The following TRAK1 variants were observed in gnomAD, a reference collection of about 807,000 sequenced individuals.
TRAK1 encodes the protein trafficking kinesin protein 1, also known as trafficking kinesin-binding protein 1.
TRAK1 carries 33 observed loss-of-function variants against 92.1 expected under a neutral mutation model. That is an observed-to-expected ratio of 0.36 (90% CI 0.27 to 0.48). The LOEUF (loss-of-function observed/expected upper bound fraction) is 0.48, where lower values mean the gene tolerates loss of function less well. Among genes scored for constraint, TRAK1 ranks in the 20% least tolerant of loss-of-function variants. TRAK1 has a pLI of 0.99. For missense variants in TRAK1, 1,123 were observed against 1,257.9 expected, an observed-to-expected ratio of 0.89 and a Z score of 1.62; for synonymous variants, 521 against 517.3, an observed-to-expected ratio of 1.01 and a Z score of -0.10.
rs147083041 is a variant in TRAK1 at position 42,109,266 on chromosome 3, A to G, written c.92-16154A>G. ...TACCATTATTACTGATGTGTTTGTT[A>G]TCATTATAAGAAAGTGCAACTGGAT... is the stretch of plus-strand genomic sequence containing the variant. On this transcript the variant is annotated intron_variant, in intron 1 of 15. Coordinates refer to ENST00000327628, the MANE Select transcript of TRAK1 (RefSeq NM_001042646.3). 7.8e-4 allele frequency among the ~76,000 whole-genome samples: 119 copies of G among 152,316 alleles called. 1 individual carries two copies. The Middle Eastern group carries it at 0.024, about 30-fold the overall frequency.
chr3:42,180,268 GTATA>G (rs1305693868), intron 3 of TRAK1, among the ~76,000 whole-genome samples: 2 of 151,922 alleles, frequency 1.3e-5, no homozygotes, highest in African/African-American at 4.8e-5. Context: ...TACATAGTAG[GTATA>G]TATATTTATG....
At chr3:42,171,180 G>A (rs1279583560) in intron 2 of TRAK1, among the ~76,000 whole-genome samples, 1 of 151,992 alleles carries the variant, frequency 6.6e-6, no homozygotes, top group Non-Finnish European at 1.5e-5. Context: ...GAGGGTTTGG[G>A]AGGTTTTTCT....
intron 2 of TRAK1, chr3:42,160,098 C>A: frequency 1.1e-6 from 1 of 925,218 alleles, no homozygotes; most frequent in Non-Finnish European, 1.4e-6. Flanking sequence ...CATTCCCACC[C>A]CGCCAAGTGC....
intron 2 of TRAK1, among the ~76,000 whole-genome samples, chr3:42,126,130 A>G (rs1250151600): frequency 1.3e-5 from 2 of 151,684 alleles, no homozygotes; most frequent in Non-Finnish European, 2.9e-5. Flanking sequence ...TGCTGGGATT[A>G]TAGGTGGGAG....
intron 1 of TRAK1, among the ~76,000 whole-genome samples, chr3:42,028,951 G>A (rs544675545): frequency 2.6e-5 from 4 of 152,280 alleles, no homozygotes; most frequent in Non-Finnish European, 4.4e-5. Context: ...GAAAAGGTTT[G>A]ATTGGCTCAT....
In TRAK1 at chr3:42,223,280, C is replaced by G. The variant is rs757431883; in HGVS notation, c.2405C>G (p.Thr802Arg). 2 of 1,614,222 alleles carry G rather than the reference C, an allele frequency of 1.2e-6. No homozygotes were observed. The highest frequency in any genetic ancestry group is 3.3e-5 in the Admixed American group (2 of 60,032). The change falls in exon 16 of 16, where the codon ACG (threonine) becomes AGG (arginine). Residue 802 changes from threonine to arginine, a missense_variant. Transcript: ENST00000327628. This position sits in a 1 kb window ranked among gnomAD's most constrained non-coding sequence, Gnocchi z 6.1. ...SSPPSFEFKCTSPPYDNFLAS... is the reference protein window; with the variant it reads ...SSPPSFEFKCRSPPYDNFLAS... ...CCACCCTCCTTTGAGTTCAAGTGCACGAGCCCTCCCTACGACAATTTCCTG... is the reference window on the plus strand; with the variant it reads ...CCACCCTCCTTTGAGTTCAAGTGCAGGAGCCCTCCCTACGACAATTTCCTG...
chr3:42,068,262 G>T (rs777142452), intron 1 of TRAK1, among the ~76,000 whole-genome samples: 1 of 152,160 alleles, frequency 6.6e-6, no homozygotes, highest in Non-Finnish European at 1.5e-5. Flanking sequence ...AGGCTCAAGC[G>T]ATCCTTCTAC....
At chr3:42,062,183 A>T (rs1703474839) in intron 1 of TRAK1, among the ~76,000 whole-genome samples, 1 of 152,216 alleles carries the variant, frequency 6.6e-6, no homozygotes. Context: ...GATGAAGTGG[A>T]ATTTTCCAAA....
chr3:42,078,279 C>T (rs1221917842), intron 1 of TRAK1, among the ~76,000 whole-genome samples: 1 of 152,132 alleles, frequency 6.6e-6, no homozygotes, highest in Non-Finnish European at 1.5e-5. Context: ...GATTTCTACC[C>T]ACTAGTTATT....
intron 1 of TRAK1, among the ~76,000 whole-genome samples, chr3:42,093,938 A>G (rs1705517778): frequency 1.3e-5 from 2 of 151,892 alleles, no homozygotes; most frequent in Non-Finnish European, 2.9e-5. Context: ...TCCTGAGCTC[A>G]GGCAGTCCGC....
At chr3:42,054,809 T>G (rs770450289) in intron 1 of TRAK1, among the ~76,000 whole-genome samples, 11 of 151,938 alleles carry the variant, frequency 7.2e-5, no homozygotes, top group Non-Finnish European at 1.5e-4. Context: ...ATTGCCATGA[T>G]TATCTCTGAA....
chr3:42,143,686 G>A (rs1244306686), intron 2 of TRAK1, among the ~76,000 whole-genome samples: 1 of 152,138 alleles, frequency 6.6e-6, no homozygotes, highest in Non-Finnish European at 1.5e-5. Context: ...ACTTTCTAGT[G>A]GCAGTGATGG....
Position 42,202,285 on chromosome 3 carries a change from C to G in TRAK1, c.1428-151C>G. On this transcript the variant is annotated intron_variant, in intron 12 of 15. Transcript: ENST00000327628. This position sits in a 1 kb window ranked among gnomAD's most constrained non-coding sequence, Gnocchi z 6.1. Reference sequence around the variant, plus strand: ...TGGTTCTGGACACGAATTTATTTCCCCCTGTTGCCTAAATGTCAACTGCTT... The same window carrying G: ...TGGTTCTGGACACGAATTTATTTCCGCCTGTTGCCTAAATGTCAACTGCTT... 1.2e-6 allele frequency: 1 copy of G among 818,922 alleles called. No homozygotes were observed. Among genetic ancestry groups the G allele is most frequent in the African/African-American group, 1.8e-5 (1 of 56,514 alleles). 50.7% of individuals were successfully genotyped at this position (818,922 alleles called of 1,614,324 possible).
chr3:42,214,484 C>T lies in TRAK1; in HGVS notation c.1963+4499C>T, dbSNP rs145752225. ...GGGATTTCTGCATTTGCCCTTTGGA[C>T]GTTTTAATAGCATTCTAAAAATCCC... On this transcript the variant is annotated intron_variant, in intron 14 of 15. Transcript: ENST00000327628. 5.1e-4 allele frequency among the ~76,000 whole-genome samples: 77 copies of T among 152,256 alleles called. No homozygotes were observed. In the Middle Eastern group the frequency reaches 0.014, roughly 27 times the overall value.
chr3:42,144,097 G>A (rs368932049), intron 2 of TRAK1, among the ~76,000 whole-genome samples: 11 of 152,078 alleles, frequency 7.2e-5, no homozygotes, highest in South Asian at 6.2e-4. Context: ...ATGGTGCCTC[G>A]CTCCCTACCT....
At chr3:42,217,117 T>TA (rs1559402688) in intron 14 of TRAK1, 11 of 217,240 alleles carry the variant, frequency 5.1e-5, no homozygotes, top group Non-Finnish European at 6.9e-5. Context: ...TTTTTTTTTT[T>TA]AGAACTTGCT....
At chr3:42,210,976 C>G (rs1708956033) in intron 14 of TRAK1, 15 of 985,384 alleles carry the variant, frequency 1.5e-5, no homozygotes, top group Middle Eastern at 1.0e-3. Context: ...ACTGTTTACC[C>G]CAACAGCATG....
intron 1 of TRAK1, among the ~76,000 whole-genome samples, chr3:42,056,587 T>A (rs552415277): frequency 3.9e-5 from 6 of 152,356 alleles, no homozygotes; most frequent in African/African-American, 1.4e-4. Flanking sequence ...ATTAGCTGAT[T>A]ATTAAAGAGA....
chr3:42,049,535 G>C (rs952752055), intron 1 of TRAK1, among the ~76,000 whole-genome samples: 5 of 151,762 alleles, frequency 3.3e-5, no homozygotes, highest in African/African-American at 1.2e-4. Context: ...TTCTAGGAAG[G>C]TTTCTTGTAT....
Sources: allele counts gnomAD v4.1 joint callset (sites outside exome capture counted in the v4.1 genomes callset), GRCh38; gene constraint gnomAD v4.1.1; non-coding constraint Gnocchi (gnomAD v3.1); transcripts MANE v1.5; gene names NCBI Gene and HGNC (gene_info 2026-07-23, HGNC 2026-07-21).